MECOM: variants seen among roughly 807,000 people sequenced by gnomAD.
MECOM encodes histone-lysine N-methyltransferase MECOM.
MECOM carries 13 observed loss-of-function variants against 116.3 expected under a neutral mutation model. The ratio of observed to expected loss-of-function variants is 0.11; its 90% CI spans 0.07 to 0.18. The LOEUF is 0.18. Ranked by LOEUF, MECOM falls within the 10% of genes least tolerant of loss-of-function variation. The pLI, the probability that MECOM is intolerant of heterozygous loss-of-function variation, is 1.00. For missense variants in MECOM, 1,299 were observed against 1,509.0 expected, an observed-to-expected ratio of 0.86 and a Z score of 2.31; for synonymous variants, 528 against 535.2, an observed-to-expected ratio of 0.99 and a Z score of 0.19.
intron 1 of MECOM, among the ~76,000 whole-genome samples, chr3:169,463,660 G>A (rs1257943000): frequency 6.6e-6 from 1 of 152,164 alleles, no homozygotes; most frequent in Non-Finnish European, 1.5e-5. Flanking sequence ...GAAATTCTGT[G>A]TAACTTGTTC....
chr3:169,351,019 T>C (rs1726229607), intron 2 of MECOM, among the ~76,000 whole-genome samples: 1 of 151,914 alleles, frequency 6.6e-6, no homozygotes, highest in Non-Finnish European at 1.5e-5. Flanking sequence ...AGCTTAAAAA[T>C]TGCCCCAAAT....
intron 9 of MECOM, among the ~76,000 whole-genome samples, chr3:169,112,480 A>G (rs1411292909): frequency 6.6e-6 from 1 of 152,148 alleles, no homozygotes; most frequent in Non-Finnish European, 1.5e-5. Flanking sequence ...ACCACCACAC[A>G]CAAAACACAT....
intron 2 of MECOM, among the ~76,000 whole-genome samples, chr3:169,232,451 G>A (rs1426309065): frequency 6.6e-6 from 1 of 151,102 alleles, no homozygotes; most frequent in African/African-American, 2.4e-5. Context: ...AAAAAAAAAG[G>A]CAGGGAAGGG....
chr3:169,114,106 A>G (rs975995229), intron 8 of MECOM, among the ~76,000 whole-genome samples: 1 of 152,166 alleles, frequency 6.6e-6, no homozygotes, highest in Non-Finnish European at 1.5e-5. Flanking sequence ...TTATCTTAAC[A>G]AAGGACTGAG....
chr3:169,338,444 T>C (rs937781520), intron 2 of MECOM, among the ~76,000 whole-genome samples: 3 of 152,104 alleles, frequency 2.0e-5, no homozygotes, highest in South Asian at 4.1e-4. Flanking sequence ...GTGCCCCAAA[T>C]ATCTGGAATG....
intron 1 of MECOM, among the ~76,000 whole-genome samples, chr3:169,425,488 G>GT: frequency 6.6e-6 from 1 of 152,232 alleles, no homozygotes; most frequent in Middle Eastern, 3.4e-3. Flanking sequence ...GCAAGAAAAT[G>GT]TATCTAATAA....
At chr3:169,436,241 A>C (rs1266059041) in intron 1 of MECOM, among the ~76,000 whole-genome samples, 1 of 142,856 alleles carries the variant, frequency 7.0e-6, no homozygotes, top group African/African-American at 2.5e-5. Flanking sequence ...TTCTGGCTAA[A>C]TCGCTTTTTT....
chr3:169,354,200 C>T lies in MECOM; in HGVS notation c.375+26987G>A, dbSNP rs546798059. Reference sequence around the variant, plus strand: ...ACAAGATGTTATAGCATTTTTAATCCTAACACCAAAAATCTCAAACCCCAG... The same window carrying T: ...ACAAGATGTTATAGCATTTTTAATCTTAACACCAAAAATCTCAAACCCCAG... On this transcript the variant is annotated intron_variant, in intron 2 of 16. Coordinates refer to ENST00000651503, the MANE Select transcript of MECOM (RefSeq NM_004991.4). Among the ~76,000 whole-genome samples the T allele has an allele frequency of 2.6e-5, 4 of 151,798 alleles. No individual in the cohort carries two copies. The East Asian group carries it at 7.8e-4, about 30-fold the overall frequency.
intron 2 of MECOM, among the ~76,000 whole-genome samples, chr3:169,340,140 G>T (rs901373265): frequency 1.3e-5 from 2 of 152,110 alleles, no homozygotes; most frequent in Non-Finnish European, 2.9e-5. Flanking sequence ...TTATCACCAC[G>T]ATTTTTGCTA....
chr3:169,594,869 G>A (rs1294913702), intron 1 of MECOM, among the ~76,000 whole-genome samples: 2 of 117,310 alleles, frequency 1.7e-5, no homozygotes, highest in Non-Finnish European at 3.4e-5. Context: ...TTAAAAGCTG[G>A]ATCTAACTGA....
At chr3:169,653,038 A>T (rs9872090) in intron 1 of MECOM, among the ~76,000 whole-genome samples, 30,260 of 152,144 alleles carry the variant, frequency 0.2, 6,122 homozygotes, top group African/African-American at 0.52. Flanking sequence ...GGTCATGGGC[A>T]ATACCTGCAC....
chr3:169,229,635 G>A (rs1452612167), intron 2 of MECOM, among the ~76,000 whole-genome samples: 1 of 152,036 alleles, frequency 6.6e-6, no homozygotes, highest in Non-Finnish European at 1.5e-5. Flanking sequence ...GTCCCCTCCT[G>A]CAGGTCATTT....
chr3:169,254,315 A>C (rs573069949), intron 2 of MECOM, among the ~76,000 whole-genome samples: 1 of 152,248 alleles, frequency 6.6e-6, no homozygotes, highest in African/African-American at 2.4e-5. Flanking sequence ...TGGTCCCTAA[A>C]CCTGAGAACT....
rs551452834 is a variant in MECOM, at chr3:169,501,727, T to G, written c.38-120203A>C. 3.3e-5 allele frequency among the ~76,000 whole-genome samples: 5 copies of G among 152,254 alleles called. No homozygotes were observed. The South Asian group carries it at 8.3e-4, about 25-fold the overall frequency. ...ATCTAATAAAGAATTCATTCACTTT[T>G]GGCTCTCATTCATGTTAGCTAGAGT... On this transcript the variant is annotated intron_variant, in intron 1 of 16. Transcript: ENST00000651503.
intron 1 of MECOM, among the ~76,000 whole-genome samples, chr3:169,620,767 C>A (rs950568931): frequency 2.6e-5 from 4 of 152,324 alleles, no homozygotes; most frequent in African/African-American, 7.2e-5. Context: ...ACCGCAGATT[C>A]TAAAGCAGCC....
chr3:169,173,708 C>T (rs746790953), intron 2 of MECOM, among the ~76,000 whole-genome samples: 3 of 152,186 alleles, frequency 2.0e-5, no homozygotes, highest in Non-Finnish European at 4.4e-5. Flanking sequence ...TGCTCAGGTG[C>T]GATCCATTCT....
At chr3:169,118,264 G>C (rs1449117127) in intron 7 of MECOM, among the ~76,000 whole-genome samples, 1 of 152,128 alleles carries the variant, frequency 6.6e-6, no homozygotes, top group Non-Finnish European at 1.5e-5. Flanking sequence ...ATATATCAAA[G>C]TGTTTGGTAA....
At chr3:169,320,288 G>C (rs1290476737) in intron 2 of MECOM, among the ~76,000 whole-genome samples, 1 of 152,136 alleles carries the variant, frequency 6.6e-6, no homozygotes, top group Non-Finnish European at 1.5e-5. Context: ...GGGTAAAAGA[G>C]GATGCTACTT....
chr3:169,381,212 A>G lies in MECOM; in HGVS notation c.350T>C (p.Leu117Pro). The part of the protein sequence containing the change: ...GPYVGEQRSN[L>P]KDPSYGWEIL... Reference sequence around the variant, plus strand: ...CTCCCATCCATAACTGGGGTCTTTCAGGTTTGACCTCTGCTCTCCCACATA... The same window carrying G: ...CTCCCATCCATAACTGGGGTCTTTCGGGTTTGACCTCTGCTCTCCCACATA... Residue 117 changes from leucine to proline, a missense_variant, in exon 2 of 17, where the codon CTG becomes CCG. Leu to Pro is a moderately conservative substitution (Grantham distance 98). Transcript: ENST00000651503. 6.2e-7 allele frequency: 1 copy of G among 1,607,670 alleles called. No individual in the cohort carries two copies. Among genetic ancestry groups the G allele is most frequent in the Non-Finnish European group, 8.5e-7 (1 of 1,174,832 alleles).
Sources: gnomAD v4.1 joint callset for allele counts (sites outside exome capture counted in the v4.1 genomes callset) on GRCh38, gnomAD v4.1.1 for gene constraint, MANE v1.5 for transcripts, NCBI Gene and HGNC (gene_info 2026-07-23, HGNC 2026-07-21) for gene names.